The following FOXP1 variants were observed in gnomAD, a reference collection of about 807,000 sequenced individuals.
FOXP1 encodes forkhead box P1, also known as forkhead box protein P1.
A neutral mutation model predicts 98.2 loss-of-function variants in FOXP1; 15 were observed. The ratio of observed to expected loss-of-function variants is 0.15; its 90% CI spans 0.10 to 0.24. The LOEUF (loss-of-function observed/expected upper bound fraction) is 0.24, where lower values mean the gene tolerates loss of function less well. Among genes scored for constraint, FOXP1 ranks in the 10% least tolerant of loss-of-function variants. FOXP1 has a pLI of 1.00. For synonymous variants in FOXP1, 371 were observed against 314.5 expected (o/e 1.18, Z -1.90); for missense variants, 633 against 848.5 (o/e 0.75, Z 3.15).
rs748443989 is a variant in FOXP1, at chr3:70,959,270, G to A, written c.2011C>T (p.Pro671Ser). ...FDHDRDYEDE[P>S]VNEDME ...AGTCACTCCATGTCCTCGTTTACTG[G>A]TTCATCTTCGTAATCTCTGTCATGG... Residue 671 changes from proline to serine, a missense_variant, in exon 21 of 21, where the codon CCA (proline) becomes TCA (serine). Around this residue, in one of 6 missense-constraint regions of FOXP1, gnomAD observed 150 missense variants for 163.7 expected, o/e 0.92. Transcript: ENST00000649528. The A allele has an allele frequency of 1.2e-6, 2 of 1,613,726 alleles. No individual in the cohort carries two copies. The highest frequency in any genetic ancestry group is 1.7e-6 in the Non-Finnish European group (2 of 1,179,998).
At chr3:71,467,507 G>A (rs978149819) in intron 3 of FOXP1, among the ~76,000 whole-genome samples, 3 of 152,148 alleles carry the variant, frequency 2.0e-5, no homozygotes, top group African/African-American at 7.2e-5. Flanking sequence ...TTTATCCAGG[G>A]ACTTCCTCCT....
rs886058862 is a variant in FOXP1 at position 70,959,128 on chromosome 3, T to C, written c.*119A>G. 1.7e-6 allele frequency: 2 copies of C among 1,162,880 alleles called. No individual in the cohort carries two copies. The highest frequency in any genetic ancestry group is 2.0e-4 in the Middle Eastern group (1 of 5,098). 72.0% of individuals were successfully genotyped at this position (1,162,880 alleles called of 1,614,324 possible). A position where few individuals can be genotyped will look rare whatever the true frequency, so the allele number is the denominator to read the frequency against. On this transcript the variant is annotated 3_prime_UTR_variant, in exon 21 of 21. Transcript: ENST00000649528. Reference sequence around the variant, plus strand: ...AACACATTTCAGAGTTGTCAAAACGTAGTGAAAATCCTCCAGACTGTACAA... The same window carrying C: ...AACACATTTCAGAGTTGTCAAAACGCAGTGAAAATCCTCCAGACTGTACAA...
chr3:71,094,051 A>G (rs1187028408), intron 7 of FOXP1, among the ~76,000 whole-genome samples: 1 of 152,140 alleles, frequency 6.6e-6, no homozygotes, highest in Non-Finnish European at 1.5e-5. Context: ...AAGGTGTCCT[A>G]GAGACCAAAC....
At chr3:71,366,819 A>G (rs2078960623) in intron 3 of FOXP1, among the ~76,000 whole-genome samples, 1 of 152,216 alleles carries the variant, frequency 6.6e-6, no homozygotes, top group South Asian at 2.1e-4. Flanking sequence ...TGAATAGACC[A>G]CCTTACTTTT....
intron 3 of FOXP1, among the ~76,000 whole-genome samples, chr3:71,392,362 G>T (rs143283179): frequency 2.2e-4 from 34 of 152,226 alleles, no homozygotes; most frequent in African/African-American, 6.7e-4. Context: ...CTTAAGAAAA[G>T]AAATTCTCTA....
intron 10 of FOXP1, among the ~76,000 whole-genome samples, chr3:71,042,912 T>C (rs144370747): frequency 6.4e-4 from 97 of 152,296 alleles, no homozygotes; most frequent in African/African-American, 2.2e-3. Context: ...TATGCTAGCA[T>C]TGGAGAGCAC....
At chr3:71,304,830 C>T (rs2074139598) in intron 4 of FOXP1, 1 of 121,102 alleles carries the variant, frequency 8.3e-6, no homozygotes, top group Non-Finnish European at 2.0e-5. Flanking sequence ...TTTAAATTCT[C>T]ACAGTTTCCA....
chr3:71,579,356 A>G (rs1022602558), intron 2 of FOXP1, among the ~76,000 whole-genome samples: 1 of 152,182 alleles, frequency 6.6e-6, no homozygotes, highest in Non-Finnish European at 1.5e-5. Flanking sequence ...TGTTTCTTTC[A>G]TTATACTTTG....
At chr3:71,140,596 C>T (rs1575984278) in intron 6 of FOXP1, among the ~76,000 whole-genome samples, 2 of 152,150 alleles carry the variant, frequency 1.3e-5, no homozygotes, top group Admixed American at 6.5e-5. Context: ...CATTTGTATT[C>T]GCTATCCTTC....
At chr3:71,204,472 G>C (rs2063884740) in intron 5 of FOXP1, among the ~76,000 whole-genome samples, 1 of 152,160 alleles carries the variant, frequency 6.6e-6, no homozygotes, top group Non-Finnish European at 1.5e-5. Context: ...AACAGAGAGG[G>C]AATCAAGCAA....
chr3:71,232,163 T>C (rs1055532393), intron 5 of FOXP1, among the ~76,000 whole-genome samples: 4 of 152,216 alleles, frequency 2.6e-5, no homozygotes, highest in African/African-American at 7.2e-5. Flanking sequence ...AATCTGATAG[T>C]ATCAAAATAA....
chr3:71,188,223 A>T (rs1576289772), intron 6 of FOXP1, among the ~76,000 whole-genome samples: 1 of 152,318 alleles, frequency 6.6e-6, no homozygotes, highest in East Asian at 1.9e-4. Context: ...AATTGATATT[A>T]TCATCTCTTA....
At chr3:71,167,765 A>T (rs1011804821) in intron 6 of FOXP1, among the ~76,000 whole-genome samples, 2 of 152,194 alleles carry the variant, frequency 1.3e-5, no homozygotes, top group African/African-American at 4.8e-5. Flanking sequence ...TAAATCTTTA[A>T]TGGGAGCCTC....
chr3:71,433,932 C>A (rs543108990), intron 3 of FOXP1, among the ~76,000 whole-genome samples: 1 of 152,240 alleles, frequency 6.6e-6, no homozygotes, highest in African/African-American at 2.4e-5. Context: ...CCCAAGCCCA[C>A]GTTACAGCTT....
intron 6 of FOXP1, among the ~76,000 whole-genome samples, chr3:71,155,878 C>G (rs1313651744): frequency 6.6e-6 from 1 of 152,234 alleles, no homozygotes; most frequent in African/African-American, 2.4e-5. Flanking sequence ...ACAGACAAGA[C>G]AGCCCCGCAG....
chr3:70,956,316 A>G lies in FOXP1; in HGVS notation c.*2931T>C, dbSNP rs2031766575. On this transcript the variant is annotated 3_prime_UTR_variant, in exon 21 of 21. Transcript: ENST00000649528. Reference sequence around the variant, plus strand: ...ATACAGAATCAGAATTGTAAAAATCATAGTGAAGTTTGCTTGCTGTAAAGC... The same window carrying G: ...ATACAGAATCAGAATTGTAAAAATCGTAGTGAAGTTTGCTTGCTGTAAAGC... 1 of 233,392 alleles carries G rather than the reference A, an allele frequency of 4.3e-6. No homozygotes were observed. The highest frequency in any genetic ancestry group is 8.5e-6 in the Non-Finnish European group (1 of 117,848). 14.5% of individuals were successfully genotyped at this position (233,392 alleles called of 1,614,324 possible).
At chr3:71,447,332 C>T (rs1052911023) in intron 3 of FOXP1, among the ~76,000 whole-genome samples, 3 of 152,156 alleles carry the variant, frequency 2.0e-5, no homozygotes, top group Non-Finnish European at 4.4e-5. Context: ...GGCACCCCAA[C>T]GAGCTTACAA....
chr3:71,215,603 T>C (rs1256586316), intron 5 of FOXP1, among the ~76,000 whole-genome samples: 1 of 152,166 alleles, frequency 6.6e-6, no homozygotes, highest in Non-Finnish European at 1.5e-5. Context: ...CAAGTGCAAA[T>C]ACTCTTCTCC....
chr3:71,478,143 T>C (rs540649683), intron 3 of FOXP1, among the ~76,000 whole-genome samples: 17 of 152,312 alleles, frequency 1.1e-4, no homozygotes, highest in Admixed American at 7.8e-4. Flanking sequence ...ACATCTTCTT[T>C]TTTAATCACT....
Sources: allele counts gnomAD v4.1 joint callset (sites outside exome capture counted in the v4.1 genomes callset), GRCh38; gene constraint gnomAD v4.1.1; regional missense constraint gnomAD v4.1.1; transcripts MANE v1.5; gene names NCBI Gene and HGNC (gene_info 2026-07-23, HGNC 2026-07-21).